CNP: variants seen among roughly 807,000 people sequenced by gnomAD.
CNP encodes 2',3'-cyclic nucleotide 3' phosphodiesterase, also known as 2',3'-cyclic-nucleotide 3'-phosphodiesterase.
Under a neutral mutation model 37.9 loss-of-function variants are expected in CNP, and 8 were observed. The observed-to-expected ratio is 0.21, with a 90% CI of 0.12 to 0.38. The LOEUF (loss-of-function observed/expected upper bound fraction) is 0.38. CNP is among the 10% of genes least tolerant of loss of function. The probability of loss-of-function intolerance (pLI) is 1.00; values close to 1 mark genes in which losing one functional copy is unlikely to be tolerated. For missense variants in CNP, 457 were observed against 551.0 expected, an observed-to-expected ratio of 0.83 and a Z score of 1.71; for synonymous variants, 237 against 238.3, an observed-to-expected ratio of 0.99 and a Z score of 0.05.
Position 41,968,309 on chromosome 17 carries a change from C to G in CNP, c.245C>G (p.Ser82Trp). The G allele has an allele frequency of 6.2e-7, 1 of 1,614,050 alleles. No homozygotes were observed. The highest frequency in any genetic ancestry group is 8.5e-7 in the Non-Finnish European group (1 of 1,179,986). Residue 82 changes from serine (S) to tryptophan (W), a missense_variant, in exon 2 of 4, where the codon TCG (serine) becomes TGG (tryptophan). Transcript: ENST00000393892. This position sits in a 1 kb window ranked among gnomAD's most constrained non-coding sequence, Gnocchi z 4.8. ...DKYRDGTKMV[S>W]ADAYKITPGA... is the part of the protein sequence containing the mutation. ...TACCGTGATGGCACCAAGATGGTGTCGGCTGACGCTTACAAGATCACCCCC... is the reference window on the plus strand; with the variant it reads ...TACCGTGATGGCACCAAGATGGTGTGGGCTGACGCTTACAAGATCACCCCC...
Position 41,968,788 on chromosome 17 carries a change from G to T in CNP, c.676+48G>T, listed in dbSNP as rs117476368. Reference sequence around the variant, plus strand: ...ATAAGCCCACCTTGCTGGGCACAGGGTGCTGCGGGCAAAGGACCATCATTG... The same window carrying T: ...ATAAGCCCACCTTGCTGGGCACAGGTTGCTGCGGGCAAAGGACCATCATTG... On this transcript the variant is annotated intron_variant, in intron 2 of 3. Coordinates refer to ENST00000393892, the MANE Select transcript of CNP (RefSeq NM_033133.5). The surrounding 1 kb of genome is among the most constrained non-coding windows in gnomAD (Gnocchi z 4.8). The T allele has an allele frequency of 1.9e-6, 3 of 1,539,264 alleles. No individual in the cohort carries two copies. In the East Asian group the frequency reaches 7.0e-5, roughly 36 times the overall value.
intron 1 of CNP, chr17:41,967,551 C>T: frequency 3.7e-6 from 2 of 544,326 alleles, no homozygotes; most frequent in Non-Finnish European, 4.7e-6. Context: ...GCTCTCCTGC[C>T]CTGCCCCCCA....
At chr17:41,969,988 A>T (rs2050961653) in intron 2 of CNP, among the ~76,000 whole-genome samples, 1 of 152,184 alleles carries the variant, frequency 6.6e-6, no homozygotes, top group Non-Finnish European at 1.5e-5. Flanking sequence ...TCAGCTCCTA[A>T]ACTTGAACTC....
At chr17:41,973,066 C>T (rs782239872) in intron 3 of CNP, among the ~76,000 whole-genome samples, 10 of 152,198 alleles carry the variant, frequency 6.6e-5, no homozygotes, top group East Asian at 1.9e-4. Context: ...GTTGTGTGCG[C>T]GGACACCCCT....
chr17:41,971,804 G>C, intron 2 of CNP, 88 bp from the exon 3 acceptor site: 1 of 1,561,048 alleles, frequency 6.4e-7, no homozygotes, highest in Non-Finnish European at 8.7e-7. Context: ...GTGTCCGAGT[G>C]TTTTGCGCTG....
At position 41,975,535 on chromosome 17, in the gene CNP, CTCTAG is replaced by C. The variant is rs1382609070; in HGVS notation, c.*1612_*1616del. ...CTCCTGGTATGGGTTTCTCCCAGTT[CTCTAG>C]GGAAGGCCACCTGCAGGTCACTGAA... On this transcript the variant is annotated 3_prime_UTR_variant, in exon 4 of 4. Transcript: ENST00000393892. 6 of 152,280 alleles carry C rather than the reference CTCTAG, an allele frequency of 3.9e-5. No individual in the cohort carries two copies. The highest frequency in any genetic ancestry group is 1.2e-4 in the African/African-American group (5 of 41,446). The allele number at this position is 152,280 out of a possible 1,614,324, so 9.4% of individuals were successfully genotyped here. A position where few individuals can be genotyped will look rare whatever the true frequency, so the allele number is the denominator to read the frequency against.
chr17:41,974,003 C>T lies in CNP; in HGVS notation c.*79C>T. ...CCTCTGTTTGATCCTTGTTTTGTGA[C>T]ATTTTTTTTTTTTTTTTTTTTACTC... On this transcript the variant is annotated 3_prime_UTR_variant, in exon 4 of 4. Coordinates refer to ENST00000393892, the MANE Select transcript of CNP (RefSeq NM_033133.5). 1.3e-6 allele frequency: 1 copy of T among 769,818 alleles called. No individual in the cohort carries two copies. Among genetic ancestry groups the T allele is most frequent in the Non-Finnish European group, 1.8e-6 (1 of 549,638 alleles). The allele number at this position is 769,818 out of a possible 1,614,324, so 47.7% of individuals were successfully genotyped here.
chr17:41,969,589 T>C (rs2050954873), intron 2 of CNP, among the ~76,000 whole-genome samples: 1 of 152,224 alleles, frequency 6.6e-6, no homozygotes, highest in African/African-American at 2.4e-5. Context: ...GGAGTCTCCC[T>C]CTGTTGCCCA....
rs781956517 is a variant in CNP, at chr17:41,976,793, G to A, written c.*2869G>A. The A allele has an allele frequency of 6.2e-7, 1 of 1,604,366 alleles. No homozygotes were observed. The highest frequency in any genetic ancestry group is 2.2e-5 in the East Asian group (1 of 44,802). Reference sequence around the variant, plus strand: ...ATGCTGAAAGAGAAAAGAGGGGTTGGTAGTTGGCTATGGATTTTCTAAGGA... The same window carrying A: ...ATGCTGAAAGAGAAAAGAGGGGTTGATAGTTGGCTATGGATTTTCTAAGGA... On this transcript the variant is annotated 3_prime_UTR_variant, in exon 4 of 4. Transcript: ENST00000393892.
rs781970302 is a variant in CNP at position 41,968,287 on chromosome 17, C to A, written c.223C>A (p.Arg75Ser). Residue 75 changes from arginine (R) to serine (S), a missense_variant, in exon 2 of 4, where the codon CGT becomes AGT. Arg to Ser is a moderately radical substitution (Grantham distance 110, BLOSUM62 -1). Coordinates refer to ENST00000393892, the MANE Select transcript of CNP (RefSeq NM_033133.5). The surrounding 1 kb of genome is among the most constrained non-coding windows in gnomAD (Gnocchi z 4.8). ...GGCACGGGTCATCGTGGACAAGTAC[C>A]GTGATGGCACCAAGATGGTGTCGGC... ...TLARVIVDKY[R>S]DGTKMVSADA... 4.3e-6 allele frequency: 7 copies of A among 1,613,904 alleles called. No individual in the cohort carries two copies. Among genetic ancestry groups the A allele is most frequent in the African/African-American group, 1.3e-5 (1 of 74,910 alleles).
Position 41,973,978 on chromosome 17 carries a change from C to T in CNP, c.*54C>T. On this transcript the variant is annotated 3_prime_UTR_variant, in exon 4 of 4. Coordinates refer to ENST00000393892, the MANE Select transcript of CNP (RefSeq NM_033133.5). Reference sequence around the variant, plus strand: ...AAGGGAAGGGGAGAGGGAAACGTGCCCTCTGTTTGATCCTTGTTTTGTGAC... The same window carrying T: ...AAGGGAAGGGGAGAGGGAAACGTGCTCTCTGTTTGATCCTTGTTTTGTGAC... The T allele has an allele frequency of 7.4e-7, 1 of 1,344,280 alleles. No individual in the cohort carries two copies. The highest frequency in any genetic ancestry group is 9.7e-7 in the Non-Finnish European group (1 of 1,028,336). The allele number at this position is 1,344,280 out of a possible 1,614,324, so 83.3% of individuals were successfully genotyped here. A position where few individuals can be genotyped will look rare whatever the true frequency, so the allele number is the denominator to read the frequency against.
At chr17:41,971,297 TAG>T (rs1416196512) in intron 2 of CNP, 1 of 152,368 alleles carries the variant, frequency 6.6e-6, no homozygotes, top group Non-Finnish European at 1.5e-5. Context: ...TAGTAAATCT[TAG>T]ATTCCCTTGG....
intron 2 of CNP, among the ~76,000 whole-genome samples, chr17:41,969,459 A>AAGGGTCCTG (rs2050952506): frequency 1.3e-5 from 2 of 152,222 alleles, no homozygotes; most frequent in African/African-American, 4.8e-5. Context: ...TGAGATAAAG[A>AAGGGTCCTG]AGGGTCCTGG....
In CNP at chr17:41,977,168, A is replaced by G; in HGVS notation, c.*3244A>G. Reference sequence around the variant, plus strand: ...GATGAGAATTCAGCTGCCCCCGCTCATGGGCCCCTCTGACTCCCAAAGAGC... The same window carrying G: ...GATGAGAATTCAGCTGCCCCCGCTCGTGGGCCCCTCTGACTCCCAAAGAGC... On this transcript the variant is annotated 3_prime_UTR_variant, in exon 4 of 4. Coordinates refer to ENST00000393892, the MANE Select transcript of CNP (RefSeq NM_033133.5). 3.1e-6 allele frequency: 4 copies of G among 1,285,108 alleles called. No homozygotes were observed. The South Asian group carries it at 3.9e-5, about 13-fold the overall frequency. 79.6% of individuals were successfully genotyped at this position (1,285,108 alleles called of 1,614,324 possible).
intron 2 of CNP, 129 bp from the exon 3 acceptor site, chr17:41,971,763 C>G: frequency 8.3e-7 from 1 of 1,210,812 alleles, no homozygotes; most frequent in Non-Finnish European, 1.2e-6. Flanking sequence ...AATGAATGAG[C>G]TGTAGTGGGT....
intron 3 of CNP, among the ~76,000 whole-genome samples, 175 bp from the exon 4 acceptor site, chr17:41,973,300 G>T (rs2051018119): frequency 6.6e-6 from 1 of 152,234 alleles, no homozygotes; most frequent in Admixed American, 6.5e-5. Context: ...GAGCGCCTAT[G>T]GAAGGTGCGT....
At chr17:41,971,755 T>A (rs1480374106) in intron 2 of CNP, 137 bp from the exon 3 acceptor site, 6 of 1,156,606 alleles carry the variant, frequency 5.2e-6, no homozygotes, top group East Asian at 2.4e-5. Flanking sequence ...AACTAACCAA[T>A]GAATGAGCTG....
chr17:41,970,643 A>AT (rs1232070412), intron 2 of CNP: 1 of 152,032 alleles, frequency 6.6e-6, no homozygotes, highest in Non-Finnish European at 1.5e-5. Flanking sequence ...AATTTCCCAA[A>AT]TTGCCGGGAT....
intron 2 of CNP, chr17:41,971,201 G>T (rs936218725): frequency 1.3e-5 from 2 of 152,182 alleles, no homozygotes; most frequent in African/African-American, 2.4e-5. Context: ...TGTTCTGGCT[G>T]TTTCCACCGT....
Sources: gnomAD v4.1 joint callset for allele counts (sites outside exome capture counted in the v4.1 genomes callset) on GRCh38, gnomAD v4.1.1 for gene constraint, Gnocchi (gnomAD v3.1) non-coding constraint, MANE v1.5 for transcripts, NCBI Gene and HGNC (gene_info 2026-07-23, HGNC 2026-07-21) for gene names.